The following PLA2G5 variants were observed in gnomAD, a reference collection of about 807,000 sequenced individuals.
The protein encoded by PLA2G5 is phospholipase A2 group V.
PLA2G5 carries 12 observed loss-of-function variants against 15.9 expected under a neutral mutation model. The ratio of observed to expected loss-of-function variants is 0.76; its 90% CI spans 0.48 to 1.23. The LOEUF (loss-of-function observed/expected upper bound fraction) is 1.23, where lower values mean the gene tolerates loss of function less well. PLA2G5 is among the 50% of genes most tolerant of loss of function. The pLI is 0.00. For synonymous variants in PLA2G5, 71 were observed against 71.4 expected, an observed-to-expected ratio of 0.99 and a Z score of 0.03; for missense variants, 169 against 177.1, an observed-to-expected ratio of 0.95 and a Z score of 0.26.
At chr1:20,069,128 C>A, upstream of PLA2G5, 2 of 441,136 alleles carry the variant, frequency 4.5e-6, no homozygotes, top group Non-Finnish European at 9.1e-6. Flanking sequence ...GAAGAATTGA[C>A]AAATGTGATA....
chr1:20,045,903 C>T (rs545036386), intron 1 of PLA2G5, among the ~76,000 whole-genome samples: 71 of 152,296 alleles, frequency 4.7e-4, no homozygotes, highest in African/African-American at 1.6e-3. Context: ...CTCTGATCTC[C>T]CAAAATTTGG....
At position 20,090,582 on chromosome 1, in the gene PLA2G5, T is replaced by C. The variant is rs752486178; in HGVS notation, c.307T>C (p.Cys103Arg). 2.2e-5 allele frequency: 35 copies of C among 1,614,020 alleles called. No individual in the cohort carries two copies. Among genetic ancestry groups the C allele is most frequent in the Non-Finnish European group, 2.7e-5 (32 of 1,179,982 alleles). Reference protein sequence around the residue: ...GVVTCEPGPFCHVNLCACDRK... With the variant: ...GVVTCEPGPFRHVNLCACDRK... ...TCCTTTTGCAGAGCCCGGGCCCTTC[T>C]GCCATGTGAACCTCTGTGCCTGTGA... The change falls in exon 5 of 5, where the codon TGC becomes CGC. Residue 103 changes from cysteine (C) to arginine (R), a missense_variant. Physicochemically the swap from Cys to Arg is radical, Grantham distance 180 (BLOSUM62 -3). Transcript: ENST00000375108.
At chr1:20,078,686 C>A (rs2015832832) in intron 1 of PLA2G5, among the ~76,000 whole-genome samples, 1 of 152,044 alleles carries the variant, frequency 6.6e-6, no homozygotes, top group South Asian at 2.1e-4. Context: ...CTTCCGGGAG[C>A]CCAGTGGTTA....
intron 1 of PLA2G5, among the ~76,000 whole-genome samples, chr1:20,044,569 C>T (rs895703552): frequency 6.6e-6 from 1 of 152,096 alleles, no homozygotes; most frequent in African/African-American, 2.4e-5. Flanking sequence ...AGCCTAAATG[C>T]TAACTGATTT....
At chr1:20,062,978 GAGA>G (rs1182825779) in intron 2 of PLA2G5, among the ~76,000 whole-genome samples, 2 of 152,144 alleles carry the variant, frequency 1.3e-5, no homozygotes, top group African/African-American at 4.8e-5. Context: ...CTTTACTACT[GAGA>G]AGATCCATGG....
intron 1 of PLA2G5, among the ~76,000 whole-genome samples, chr1:20,043,266 T>G (rs1488954913): frequency 1.3e-5 from 2 of 152,164 alleles, no homozygotes; most frequent in Non-Finnish European, 2.9e-5. Context: ...ACAATTTGGT[T>G]GATAAGGTGG....
At chr1:20,031,507 A>T (rs1011126832) in intron 1 of PLA2G5, among the ~76,000 whole-genome samples, 8 of 152,160 alleles carry the variant, frequency 5.3e-5, no homozygotes, top group Admixed American at 5.2e-4. Flanking sequence ...GGATGTGGGG[A>T]AGGAATAACA....
intron 3 of PLA2G5, 83 bp from the exon 4 acceptor site, chr1:20,089,706 C>T: frequency 1.9e-6 from 2 of 1,068,676 alleles, no homozygotes; most frequent in Non-Finnish European, 2.9e-6. Flanking sequence ...GCTAAAGTGA[C>T]ATGGTTGAAT....
intron 1 of PLA2G5, among the ~76,000 whole-genome samples, chr1:20,043,329 G>A (rs529897552): frequency 8.9e-4 from 136 of 152,288 alleles, no homozygotes; most frequent in African/African-American, 3.1e-3. Context: ...GGTAAAATGG[G>A]GGAATTGTAA....
intron 1 of PLA2G5, among the ~76,000 whole-genome samples, chr1:20,074,495 G>A (rs538405614): frequency 6.6e-5 from 10 of 152,278 alleles, no homozygotes; most frequent in Admixed American, 3.3e-4. Context: ...CATAACTGAC[G>A]AAGCTGACTT....
intron 1 of PLA2G5, among the ~76,000 whole-genome samples, chr1:20,035,662 C>T (rs1557722331): frequency 6.6e-6 from 1 of 152,166 alleles, no homozygotes; most frequent in Non-Finnish European, 1.5e-5. Context: ...TTGGTGAATT[C>T]TTATCTATTC....
At chr1:20,062,947 C>A (rs997520449) in intron 2 of PLA2G5, among the ~76,000 whole-genome samples, 2 of 152,108 alleles carry the variant, frequency 1.3e-5, no homozygotes, top group Non-Finnish European at 2.9e-5. Context: ...GATCTGTGGC[C>A]CCAAGTTTCT....
At chr1:20,039,126 C>T (rs191939416) in intron 1 of PLA2G5, among the ~76,000 whole-genome samples, 13 of 152,258 alleles carry the variant, frequency 8.5e-5, no homozygotes, top group African/African-American at 2.2e-4. Context: ...GGTTGTCCAT[C>T]GAGCAAGAAT....
In PLA2G5 at chr1:20,090,840, G is replaced by C. The variant is rs977102487; in HGVS notation, c.*148G>C. On this transcript the variant is annotated 3_prime_UTR_variant, in exon 5 of 5. Coordinates refer to ENST00000375108, the MANE Select transcript of PLA2G5 (RefSeq NM_000929.3). Reference sequence around the variant, plus strand: ...CTTGGCGGACCCCCAGGGCCACACTGTACCCTCCAGCGAGTCCCAGGAGAG... The same window carrying C: ...CTTGGCGGACCCCCAGGGCCACACTCTACCCTCCAGCGAGTCCCAGGAGAG... 1.3e-6 allele frequency: 1 copy of C among 764,940 alleles called. No individual in the cohort carries two copies. Among genetic ancestry groups the C allele is most frequent in the South Asian group, 1.7e-5 (1 of 58,614 alleles). 47.4% of individuals were successfully genotyped at this position (764,940 alleles called of 1,614,324 possible). A position where few individuals can be genotyped will look rare whatever the true frequency, so the allele number is the denominator to read the frequency against.
At chr1:20,046,451 T>C (rs1221729734) in intron 1 of PLA2G5, among the ~76,000 whole-genome samples, 1 of 152,204 alleles carries the variant, frequency 6.6e-6, no homozygotes, top group Non-Finnish European at 1.5e-5. Flanking sequence ...CTTCCTATCT[T>C]AAAAAAAGTT....
At chr1:20,071,152 C>A (rs1299908335) in intron 1 of PLA2G5, among the ~76,000 whole-genome samples, 1 of 152,106 alleles carries the variant, frequency 6.6e-6, no homozygotes, top group African/African-American at 2.4e-5. Context: ...CCTCAGTGTC[C>A]CAATCTGCAA....
chr1:20,029,578 A>G (rs554165991), intron 1 of PLA2G5, among the ~76,000 whole-genome samples: 70 of 152,056 alleles, frequency 4.6e-4, no homozygotes, highest in Non-Finnish European at 8.5e-4. Flanking sequence ...TGGGCAGCAA[A>G]TGCCTGTCCT....
chr1:20,065,267 T>C (rs560117852), upstream of PLA2G5, among the ~76,000 whole-genome samples: 3 of 152,342 alleles, frequency 2.0e-5, no homozygotes, highest in South Asian at 6.2e-4. Flanking sequence ...TCAATATTGA[T>C]ATATTATTAT....
At chr1:20,087,148 A>G (rs2016332825) in intron 3 of PLA2G5, among the ~76,000 whole-genome samples, 1 of 152,238 alleles carries the variant, frequency 6.6e-6, no homozygotes, top group South Asian at 2.1e-4. Flanking sequence ...AGCAGTATGC[A>G]TAGATATCAT....
Sources: allele counts gnomAD v4.1 joint callset (sites outside exome capture counted in the v4.1 genomes callset), GRCh38; gene constraint gnomAD v4.1.1; transcripts MANE v1.5; gene names NCBI Gene and HGNC (gene_info 2026-07-23, HGNC 2026-07-21).